Variants in PCCA observed in about 807,000 individuals in gnomAD.
PCCA encodes propionyl-CoA carboxylase alpha chain, mitochondrial.
A neutral mutation model predicts 101.3 loss-of-function variants in PCCA; 74 were observed. The ratio of observed to expected loss-of-function variants is 0.73; its 90% CI spans 0.61 to 0.89. The LOEUF (loss-of-function observed/expected upper bound fraction) is 0.89. Ranked by LOEUF, PCCA falls within the 40% of genes least tolerant of loss-of-function variation. PCCA has a pLI of 0.00. For missense variants in PCCA, 891 were observed against 907.0 expected, an observed-to-expected ratio of 0.98 and a Z score of 0.23; for synonymous variants, 294 against 313.6, an observed-to-expected ratio of 0.94 and a Z score of 0.66.
chr13:100,520,364 T>C (rs916085571), intron 22 of PCCA, among the ~76,000 whole-genome samples: 4 of 151,604 alleles, frequency 2.6e-5, no homozygotes, highest in Non-Finnish European at 4.4e-5. Flanking sequence ...GAGTTGGTTT[T>C]TGGCCGGGCG....
chr13:100,357,167 C>T (rs2074040415), intron 18 of PCCA, among the ~76,000 whole-genome samples: 1 of 152,170 alleles, frequency 6.6e-6, no homozygotes, highest in African/African-American at 2.4e-5. Flanking sequence ...TTAACTTGTA[C>T]ACTTCAGATG....
chr13:100,098,274 T>C (rs1427740748), intron 1 of PCCA, among the ~76,000 whole-genome samples: 1 of 152,176 alleles, frequency 6.6e-6, no homozygotes, highest in East Asian at 1.9e-4. Context: ...ATATTCAAAG[T>C]ATTATTTGAA....
At chr13:100,157,140 G>A (rs192623205) in intron 5 of PCCA, 147 bp from the exon 6 acceptor site, 2 of 611,774 alleles carry the variant, frequency 3.3e-6, no homozygotes, top group Non-Finnish European at 5.8e-6. Context: ...AGAAATGTGA[G>A]TTAGAACTGA....
intron 21 of PCCA, among the ~76,000 whole-genome samples, chr13:100,458,683 C>A (rs1473754584): frequency 1.3e-5 from 2 of 151,982 alleles, no homozygotes; most frequent in African/African-American, 4.8e-5. Context: ...AGATTGTTAG[C>A]CAGTTTTTTG....
intron 19 of PCCA, among the ~76,000 whole-genome samples, chr13:100,418,868 C>G (rs991591105): frequency 6.6e-6 from 1 of 151,526 alleles, no homozygotes; most frequent in Non-Finnish European, 1.5e-5. Context: ...AAAAAAAGGA[C>G]AGCAGACAAT....
At chr13:100,225,885 G>A (rs571186498) in intron 7 of PCCA, among the ~76,000 whole-genome samples, 4 of 152,130 alleles carry the variant, frequency 2.6e-5, no homozygotes, top group South Asian at 2.1e-4. Flanking sequence ...ACCACCTTCC[G>A]GTTTCAAGTG....
intron 19 of PCCA, among the ~76,000 whole-genome samples, chr13:100,409,492 C>T (rs1010994773): frequency 4.6e-5 from 7 of 152,136 alleles, no homozygotes; most frequent in African/African-American, 1.7e-4. Flanking sequence ...GAGTGCTTCT[C>T]ACCCACAGCT....
intron 19 of PCCA, among the ~76,000 whole-genome samples, chr13:100,413,664 C>T (rs1353742843): frequency 6.6e-6 from 1 of 152,120 alleles, no homozygotes; most frequent in African/African-American, 2.4e-5. Context: ...TTCCTCACAA[C>T]CACTCCTTGA....
At chr13:100,470,552 G>T (rs1248100953) in intron 21 of PCCA, among the ~76,000 whole-genome samples, 9 of 151,756 alleles carry the variant, frequency 5.9e-5, no homozygotes. Context: ...CCAAGCCCAG[G>T]GACATAATTG....
At chr13:100,103,171 T>G (rs2047429953) in intron 2 of PCCA, among the ~76,000 whole-genome samples, 1 of 152,212 alleles carries the variant, frequency 6.6e-6, no homozygotes, top group Admixed American at 6.5e-5. Flanking sequence ...TAATTTTGTA[T>G]TTATATCTTT....
intron 21 of PCCA, among the ~76,000 whole-genome samples, chr13:100,479,198 C>A (rs998882750): frequency 2.6e-5 from 4 of 152,136 alleles, no homozygotes; most frequent in Non-Finnish European, 5.9e-5. Flanking sequence ...GCTGGTTACT[C>A]AAAAATAAAA....
intron 8 of PCCA, among the ~76,000 whole-genome samples, chr13:100,255,643 C>T (rs1161093496): frequency 6.6e-6 from 1 of 152,072 alleles, no homozygotes; most frequent in African/African-American, 2.4e-5. Flanking sequence ...ATACCAGTTT[C>T]AAATTTTTAG....
chr13:100,377,418 T>C (rs1294068110), intron 19 of PCCA, among the ~76,000 whole-genome samples: 1 of 151,992 alleles, frequency 6.6e-6, no homozygotes, highest in African/African-American at 2.4e-5. Context: ...TCTTTAAGGG[T>C]GAAGTGTGTT....
intron 22 of PCCA, among the ~76,000 whole-genome samples, chr13:100,525,669 C>T (rs1166511410): frequency 1.3e-5 from 2 of 152,234 alleles, no homozygotes; most frequent in Admixed American, 1.3e-4. Flanking sequence ...AGATTCTGAG[C>T]AAGGGGATGG....
chr13:100,326,129 C>T (rs1595356652), intron 16 of PCCA, among the ~76,000 whole-genome samples: 1 of 152,134 alleles, frequency 6.6e-6, no homozygotes, highest in Non-Finnish European at 1.5e-5. Context: ...CTGGAGAAAA[C>T]TTTGTCTGGA....
At chr13:100,260,357 T>G (rs1250851038) in intron 9 of PCCA, among the ~76,000 whole-genome samples, 1 of 150,910 alleles carries the variant, frequency 6.6e-6, no homozygotes, top group Non-Finnish European at 1.5e-5. Context: ...CCTGCAGTGT[T>G]GTACAAAAAC....
At chr13:100,216,763 G>T (rs1329398902) in intron 7 of PCCA, among the ~76,000 whole-genome samples, 1 of 152,144 alleles carries the variant, frequency 6.6e-6, no homozygotes, top group African/African-American at 2.4e-5. Context: ...AGATAACTAC[G>T]ATTTATATGC....
At chr13:100,279,332 T>C (rs2063905647) in intron 12 of PCCA, among the ~76,000 whole-genome samples, 1 of 152,230 alleles carries the variant, frequency 6.6e-6, no homozygotes, top group South Asian at 2.1e-4. Flanking sequence ...TTTTAATTTT[T>C]TAGAATGTAT....
intron 4 of PCCA, among the ~76,000 whole-genome samples, chr13:100,132,760 A>T (rs1389051923): frequency 2.6e-5 from 4 of 151,884 alleles, no homozygotes; most frequent in Admixed American, 2.6e-4. Context: ...TTCTTCATCC[A>T]CTTCAGCAGT....
Sources: allele counts gnomAD v4.1 joint callset (sites outside exome capture counted in the v4.1 genomes callset), GRCh38; gene constraint gnomAD v4.1.1; transcripts MANE v1.5; gene names NCBI Gene and HGNC (gene_info 2026-07-23, HGNC 2026-07-21).